GBE1: variants seen among roughly 807,000 people sequenced by gnomAD.
The protein encoded by GBE1 is 1,4-alpha-glucan branching enzyme 1, also known as 1,4-alpha-glucan-branching enzyme.
In GBE1, 70 loss-of-function variants were observed where a neutral mutation model predicts 88.8. The ratio of observed to expected loss-of-function variants is 0.79; its 90% CI spans 0.65 to 0.96. The LOEUF is 0.96. Ranked by LOEUF, GBE1 falls within the 40% of genes least tolerant of loss-of-function variation. The pLI, the probability that GBE1 is intolerant of heterozygous loss-of-function variation, is 0.00. For synonymous variants in GBE1, 284 were observed against 300.1 expected, an observed-to-expected ratio of 0.95 and a Z score of 0.56; for missense variants, 872 against 871.0, an observed-to-expected ratio of 1.00 and a Z score of -0.01.
chr3:81,566,868 C>T (rs1002683511), intron 12 of GBE1, among the ~76,000 whole-genome samples: 2 of 152,124 alleles, frequency 1.3e-5, no homozygotes, highest in African/African-American at 4.8e-5. Context: ...TAGGCAGCCC[C>T]TTTCCCTTCT....
At chr3:81,666,878 G>A (rs977772559) in intron 3 of GBE1, among the ~76,000 whole-genome samples, 6 of 152,152 alleles carry the variant, frequency 3.9e-5, no homozygotes, top group African/African-American at 9.7e-5. Flanking sequence ...AAAATATCAT[G>A]ATCTACAATA....
chr3:81,667,481 T>C (rs1404985699), intron 3 of GBE1, among the ~76,000 whole-genome samples: 2 of 152,312 alleles, frequency 1.3e-5, no homozygotes, highest in South Asian at 2.1e-4. Flanking sequence ...TCTAATACTA[T>C]GTTGAATAGG....
At chr3:81,550,447 G>C (rs139843479) in intron 12 of GBE1, among the ~76,000 whole-genome samples, 35 of 151,384 alleles carry the variant, frequency 2.3e-4, no homozygotes, top group African/African-American at 8.2e-4. Flanking sequence ...ACCTTTAAGA[G>C]TTCTCTTATA....
At chr3:81,738,839 T>G (rs1000828291) in intron 1 of GBE1, among the ~76,000 whole-genome samples, 7 of 152,208 alleles carry the variant, frequency 4.6e-5, no homozygotes, top group Admixed American at 1.3e-4. Context: ...TTAGGAAAGT[T>G]AAATTACCCA....
At chr3:81,534,510 A>G (rs776842948) in intron 14 of GBE1, among the ~76,000 whole-genome samples, 4 of 152,020 alleles carry the variant, frequency 2.6e-5, no homozygotes, top group Non-Finnish European at 4.4e-5. Flanking sequence ...AGAGAACATC[A>G]AAAACATTCT....
At chr3:81,593,635 G>C (rs1703911997) in intron 8 of GBE1, among the ~76,000 whole-genome samples, 1 of 151,932 alleles carries the variant, frequency 6.6e-6, no homozygotes, top group Admixed American at 6.6e-5. Flanking sequence ...GTGCTGTAGT[G>C]TTCACATCCT....
In GBE1 at chr3:81,608,910, T is replaced by C. The variant is rs144068024; in HGVS notation, c.993-14887A>G. Among the ~76,000 whole-genome samples, 358 of 152,270 alleles carry C rather than the reference T, an allele frequency of 2.4e-3. 3 individuals carry two copies. Among genetic ancestry groups the C allele is most frequent in the African/African-American group, 8.2e-3 (342 of 41,552 alleles). On this transcript the variant is annotated intron_variant, in intron 7 of 15. Coordinates refer to ENST00000429644, the MANE Select transcript of GBE1 (RefSeq NM_000158.4). ...AACAGGAGAAAAGCATACAAATTTA[T>C]GTAATATAAGAGCCTTCATAAGGAA...
At chr3:81,492,711 TC>T (rs60134528) in intron 15 of GBE1, among the ~76,000 whole-genome samples, 77,913 of 123,792 alleles carry the variant, frequency 0.63, 24,031 homozygotes, top group South Asian at 0.79. Context: ...TTTCTTCCTT[TC>T]CTTCCTTCCT....
At chr3:81,720,386 T>C (rs901691761) in intron 1 of GBE1, among the ~76,000 whole-genome samples, 1 of 150,806 alleles carries the variant, frequency 6.6e-6, no homozygotes, top group Non-Finnish European at 1.5e-5. Flanking sequence ...ATATATCTTA[T>C]ATACACAAAC....
At chr3:81,609,089 C>A (rs1704139362) in intron 7 of GBE1, among the ~76,000 whole-genome samples, 1 of 152,072 alleles carries the variant, frequency 6.6e-6, no homozygotes, top group Admixed American at 6.6e-5. Context: ...TCCTCTAGTC[C>A]CACCTCTGGT....
At chr3:81,577,086 G>A (rs892005652) in intron 12 of GBE1, among the ~76,000 whole-genome samples, 3 of 151,734 alleles carry the variant, frequency 2.0e-5, no homozygotes, top group African/African-American at 7.3e-5. Context: ...GTACAGGCAC[G>A]CACCACCACA....
intron 10 of GBE1, among the ~76,000 whole-genome samples, chr3:81,585,772 A>G (rs1703795153): frequency 6.6e-6 from 1 of 152,206 alleles, no homozygotes; most frequent in Non-Finnish European, 1.5e-5. Context: ...TGAATGCTGT[A>G]ATGAAGTCTA....
chr3:81,585,970 G>A, intron 10 of GBE1, 122 bp downstream of exon 10: 1 of 570,662 alleles, frequency 1.8e-6, no homozygotes, highest in South Asian at 2.7e-5. Context: ...ACAGACTAAT[G>A]AAAGAATTTA....
At chr3:81,597,072 T>C (rs1489220158) in intron 7 of GBE1, among the ~76,000 whole-genome samples, 1 of 151,932 alleles carries the variant, frequency 6.6e-6, no homozygotes, top group Non-Finnish European at 1.5e-5. Context: ...ATGTTCTCTC[T>C]AGTAGTAAAT....
intron 7 of GBE1, among the ~76,000 whole-genome samples, chr3:81,620,867 T>C (rs1296263176): frequency 6.6e-6 from 1 of 152,114 alleles, no homozygotes; most frequent in Admixed American, 6.5e-5. Flanking sequence ...TATGTGGTCT[T>C]AAAATATAAG....
chr3:81,517,901 C>A (rs1702819715), intron 14 of GBE1, among the ~76,000 whole-genome samples: 1 of 151,216 alleles, frequency 6.6e-6, no homozygotes, highest in African/African-American at 2.4e-5. Context: ...GTTCATCAAC[C>A]CCTCTATCCA....
intron 7 of GBE1, among the ~76,000 whole-genome samples, chr3:81,636,151 A>G (rs1704588957): frequency 6.6e-6 from 1 of 152,198 alleles, no homozygotes; most frequent in Admixed American, 6.5e-5. Context: ...TCAAATCCAG[A>G]CAGATTGGAT....
intron 8 of GBE1, among the ~76,000 whole-genome samples, chr3:81,592,308 C>A (rs1487450714): frequency 6.6e-6 from 1 of 152,116 alleles, no homozygotes; most frequent in Non-Finnish European, 1.5e-5. Flanking sequence ...ACTCCTCAGC[C>A]CCTGGCAACC....
Position 81,490,129 on chromosome 3 carries a change from G to GT in GBE1, c.*277dup, listed in dbSNP as rs1702417567. ...AAATAATTAGCCAGGAAAGCAAAATGTTTTTAACATATTATATATAACACT... is the reference window on the plus strand; with the variant it reads ...AAATAATTAGCCAGGAAAGCAAAATGTTTTTTAACATATTATATATAACACT... On this transcript the variant is annotated 3_prime_UTR_variant, in exon 16 of 16. Transcript: ENST00000429644. 2 of 358,898 alleles carry GT rather than the reference G, an allele frequency of 5.6e-6. No homozygotes were observed. Among genetic ancestry groups the GT allele is most frequent in the Admixed American group, 4.9e-5 (1 of 20,354 alleles). The allele number at this position is 358,898 out of a possible 1,614,324, so 22.2% of individuals were successfully genotyped here. A position where few individuals can be genotyped will look rare whatever the true frequency, so the allele number is the denominator to read the frequency against.
Sources: gnomAD v4.1 joint callset for allele counts (sites outside exome capture counted in the v4.1 genomes callset) on GRCh38, gnomAD v4.1.1 for gene constraint, MANE v1.5 for transcripts, NCBI Gene and HGNC (gene_info 2026-07-23, HGNC 2026-07-21) for gene names.